Variants in REDIC1 observed in about 807,000 individuals in gnomAD.
REDIC1 encodes HEI10 Interacting Protein 1.
At chr12:39,713,461 TGTA>T in the REDIC1 span, among the ~76,000 whole-genome samples, 4 of 149,476 alleles carry the variant, frequency 2.7e-5, no homozygotes, top group South Asian at 2.1e-4. Context: ...TACATACATT[TGTA>T]TATATACATG....
At chr12:39,627,856 A>G in the REDIC1 span, among the ~76,000 whole-genome samples, 1 of 152,320 alleles carries the variant, frequency 6.6e-6, no homozygotes, top group Non-Finnish European at 1.5e-5. Flanking sequence ...GAACAAAGAA[A>G]AGGGTGGGGA....
chr12:39,713,991 G>T, the REDIC1 span, among the ~76,000 whole-genome samples: 1 of 144,582 alleles, frequency 6.9e-6, no homozygotes, highest in Non-Finnish European at 1.5e-5. Context: ...ATATATACAT[G>T]TATGTACACC....
the REDIC1 span, among the ~76,000 whole-genome samples, chr12:39,744,241 A>G: frequency 6.6e-6 from 1 of 152,230 alleles, no homozygotes; most frequent in Admixed American, 6.5e-5. Context: ...TTATCCTTCA[A>G]AAGTAAAGGT....
the REDIC1 span, among the ~76,000 whole-genome samples, chr12:39,812,988 C>T: frequency 9.0e-6 from 1 of 110,734 alleles, no homozygotes; most frequent in African/African-American, 3.3e-5. Flanking sequence ...TGACATCATG[C>T]CCAGCTAATT....
the REDIC1 span, among the ~76,000 whole-genome samples, chr12:39,772,464 A>G: frequency 2.0e-5 from 3 of 152,156 alleles, no homozygotes; most frequent in Admixed American, 2.0e-4. Context: ...GTAGAGATAA[A>G]TGTTCCTTGA....
the REDIC1 span, among the ~76,000 whole-genome samples, chr12:39,678,213 G>C: frequency 5.5e-4 from 83 of 152,058 alleles, no homozygotes; most frequent in African/African-American, 1.9e-3. Flanking sequence ...ACAAAGAATA[G>C]AGAAGACCCA....
chr12:39,863,106 G>T, the REDIC1 span, among the ~76,000 whole-genome samples: 1 of 152,002 alleles, frequency 6.6e-6, no homozygotes, highest in Non-Finnish European at 1.5e-5. Flanking sequence ...CTAAAATTTG[G>T]TTCTATCTTC....
the REDIC1 span, among the ~76,000 whole-genome samples, chr12:39,745,354 G>A: frequency 1.3e-5 from 2 of 152,052 alleles, no homozygotes; most frequent in African/African-American, 4.8e-5. Flanking sequence ...AACAATAAAG[G>A]GTACTGGTTA....
At chr12:39,852,511 A>G in the REDIC1 span, among the ~76,000 whole-genome samples, 2 of 152,358 alleles carry the variant, frequency 1.3e-5, no homozygotes, top group African/African-American at 4.8e-5. Flanking sequence ...AGAAGATAAC[A>G]AACCTGTGGC....
the REDIC1 span, among the ~76,000 whole-genome samples, chr12:39,705,811 C>T: frequency 6.6e-6 from 1 of 152,008 alleles, no homozygotes; most frequent in African/African-American, 2.4e-5. Flanking sequence ...GAACATAACT[C>T]AATATAATAA....
At chr12:39,663,772 C>T in the REDIC1 span, among the ~76,000 whole-genome samples, 6 of 149,898 alleles carry the variant, frequency 4.0e-5, no homozygotes, top group East Asian at 2.1e-4. Context: ...CATGCATTTT[C>T]GTTATAGTAG....
chr12:39,693,766 A>G, the REDIC1 span, among the ~76,000 whole-genome samples: 6 of 152,098 alleles, frequency 3.9e-5, no homozygotes, highest in Non-Finnish European at 8.8e-5. Context: ...ATTTTGTACA[A>G]TGTTTCTTAT....
chr12:39,710,607 C>G, the REDIC1 span, among the ~76,000 whole-genome samples: 1,274 of 151,782 alleles, frequency 8.4e-3, 23 homozygotes, highest in African/African-American at 0.029. Context: ...TTCATATTGT[C>G]TCTGAAAATT....
the REDIC1 span, among the ~76,000 whole-genome samples, chr12:39,689,765 G>C: frequency 1.3e-5 from 2 of 152,078 alleles, no homozygotes; most frequent in African/African-American, 2.4e-5. Flanking sequence ...AAGCTGTCCT[G>C]TTATTCCTTT....
the REDIC1 span, among the ~76,000 whole-genome samples, chr12:39,728,754 C>T: frequency 9.2e-5 from 13 of 140,794 alleles, no homozygotes; most frequent in Non-Finnish European, 1.5e-4. Context: ...TGGTAGAATT[C>T]GGCTCTGAAT....
At chr12:39,665,665 G>A in the REDIC1 span, among the ~76,000 whole-genome samples, 1 of 150,556 alleles carries the variant, frequency 6.6e-6, no homozygotes, top group Non-Finnish European at 1.5e-5. Flanking sequence ...ACCTTGGGCA[G>A]TATGGCCATT....
At chr12:39,661,061 G>GTATGTT in the REDIC1 span, among the ~76,000 whole-genome samples, 1 of 152,134 alleles carries the variant, frequency 6.6e-6, no homozygotes, top group Non-Finnish European at 1.5e-5. Context: ...ATCTACTGAA[G>GTATGTT]TATGCTTAGG....
the REDIC1 span, among the ~76,000 whole-genome samples, chr12:39,714,471 G>A: frequency 4.8e-4 from 72 of 151,198 alleles, no homozygotes; most frequent in Admixed American, 2.3e-3. Context: ...TGGGCATTTG[G>A]GTTTGTTGCA....
chr12:39,687,389 C>T, the REDIC1 span, among the ~76,000 whole-genome samples: 1 of 152,190 alleles, frequency 6.6e-6, no homozygotes, highest in Non-Finnish European at 1.5e-5. Flanking sequence ...GAAGAATTGG[C>T]TTCTGGGGAA....
Sources: allele counts gnomAD v4.1 joint callset (sites outside exome capture counted in the v4.1 genomes callset), GRCh38; gene constraint gnomAD v4.1.1; transcripts MANE v1.5; gene names NCBI Gene and HGNC (gene_info 2026-07-23, HGNC 2026-07-21).